PPL: variants seen among roughly 807,000 people sequenced by gnomAD.
PPL encodes the protein periplakin, also known as 190 kDa paraneoplastic pemphigus antigen.
Under a neutral mutation model 194.4 loss-of-function variants are expected in PPL, and 198 were observed. The ratio of observed to expected loss-of-function variants is 1.02; its 90% CI spans 0.91 to 1.15. PPL has a LOEUF of 1.15. PPL is among the 50% of genes most tolerant of loss of function. The probability of loss-of-function intolerance (pLI) is 0.00; values close to 1 mark genes in which losing one functional copy is unlikely to be tolerated. For synonymous variants in PPL, 1,220 were observed against 972.4 expected (o/e 1.25, Z -4.74); for missense variants, 2,885 against 2,294.8 (o/e 1.26, Z -5.25).
intron 1 of PPL, 87 bp downstream of exon 1, chr16:4,936,897 T>C (rs926268567): frequency 6.2e-5 from 83 of 1,333,430 alleles, no homozygotes; most frequent in Non-Finnish European, 8.2e-5. Flanking sequence ...GTACCCCCCA[T>C]TCCTACACTG....
intron 1 of PPL, among the ~76,000 whole-genome samples, chr16:4,920,364 A>AAAGG (rs1341684692): frequency 2.8e-5 from 2 of 72,422 alleles, no homozygotes; most frequent in Non-Finnish European, 9.3e-5. Context: ...AGAAAGAAAG[A>AAAGG]AAGAAAGGAC....
Position 4,885,509 on chromosome 16 carries a change from T to G in PPL, c.3146A>C (p.Gln1049Pro). The G allele has an allele frequency of 6.2e-7, 1 of 1,611,436 alleles. No homozygotes were observed. Among genetic ancestry groups the G allele is most frequent in the South Asian group, 1.1e-5 (1 of 91,076 alleles). ...AALAEEKSRA[Q>P]EKVTEKEVVK... ...CACCTCTTTCTCTGTGACCTTCTCC[T>G]GCGCCCGGCTCTTCTCTTCAGCCAG... Residue 1049 changes from glutamine (Q) to proline (P), a missense_variant, in exon 22 of 22, where the codon CAG (glutamine) becomes CCG (proline). By Grantham distance (76) the Gln-to-Pro change is moderately conservative (BLOSUM62 -1). Transcript: ENST00000345988. The surrounding 1 kb of genome is among the most constrained non-coding windows in gnomAD (Gnocchi z 6.3).
intron 21 of PPL, among the ~76,000 whole-genome samples, chr16:4,886,359 T>C (rs143776447): frequency 6.6e-6 from 1 of 152,204 alleles, no homozygotes; most frequent in Non-Finnish European, 1.5e-5. Flanking sequence ...CACAAGAATA[T>C]CTGTCTGTAG....
intron 7 of PPL, 30 bp from the exon 8 acceptor site, chr16:4,899,150 G>A: frequency 6.2e-7 from 1 of 1,613,390 alleles, no homozygotes; most frequent in Non-Finnish European, 8.5e-7. Context: ...AGGGGCCTCA[G>A]TGCCCAGCCT....
rs961039974 is a variant in PPL, at chr16:4,904,015, C to G, written c.188G>C (p.Arg63Pro). Residue 63 changes from arginine (R) to proline (P), a missense_variant, in exon 3 of 22, where the codon CGG (arginine) becomes CCG (proline). By Grantham distance (103) the Arg-to-Pro change is moderately radical. Coordinates refer to ENST00000345988, the MANE Select transcript of PPL (RefSeq NM_002705.5). ...GGTCACGTCCCGGTGCTCAGGCTGC[C>G]GACCCTCCTGCAGCCGAGCCAGGTC... Reference protein sequence around the residue: ...QSDLARLQEGRQPEHRDVTLQ... With the variant: ...QSDLARLQEGPQPEHRDVTLQ... 5 of 1,612,686 alleles carry G rather than the reference C, an allele frequency of 3.1e-6. No individual in the cohort carries two copies. The highest frequency in any genetic ancestry group is 4.2e-6 in the Non-Finnish European group (5 of 1,179,920).
At chr16:4,893,825 C>T (rs1293961146) in intron 12 of PPL, 187 bp from the exon 13 acceptor site, 1 of 582,504 alleles carries the variant, frequency 1.7e-6, no homozygotes, top group Admixed American at 3.1e-5. Context: ...CTTCTCCCTC[C>T]TTCCCTCCTC....
intron 19 of PPL, 44 bp from the exon 20 acceptor site, chr16:4,888,262 G>T (rs1472294980): frequency 7.2e-7 from 1 of 1,386,378 alleles, no homozygotes; most frequent in South Asian, 1.2e-5. Flanking sequence ...TAAAACAGCT[G>T]AGAAGAGACA....
Position 4,884,706 on chromosome 16 carries a change from C to T in PPL, c.3949G>A (p.Glu1317Lys), listed in dbSNP as rs749366391. The change falls in exon 22 of 22, where the codon GAG becomes AAG. Residue 1317 changes from glutamate (E) to lysine (K), a missense_variant. By Grantham distance (56) the Glu-to-Lys change is moderately conservative. Transcript: ENST00000345988. The surrounding 1 kb of genome is among the most constrained non-coding windows in gnomAD (Gnocchi z 5.7). ...EVASLRAKLS[E>K]EQKKQVDLER... ...AGATCCACTTGTTTCTTCTGCTCCT[C>T]TGAGAGCTTTGCCCTCAGAGACGCC... 2 of 1,614,164 alleles carry T rather than the reference C, an allele frequency of 1.2e-6. No homozygotes were observed. Among genetic ancestry groups the T allele is most frequent in the Non-Finnish European group, 1.7e-6 (2 of 1,180,034 alleles).
At chr16:4,912,893 C>G (rs529124851) in intron 1 of PPL, among the ~76,000 whole-genome samples, 1 of 152,184 alleles carries the variant, frequency 6.6e-6, no homozygotes, top group Non-Finnish European at 1.5e-5. Flanking sequence ...CACCTGAGAT[C>G]AGGAGTTTGA....
At chr16:4,922,747 G>A (rs1418941899) in intron 1 of PPL, among the ~76,000 whole-genome samples, 1 of 151,212 alleles carries the variant, frequency 6.6e-6, no homozygotes, top group East Asian at 2.0e-4. Flanking sequence ...GCACCTGGGA[G>A]ATGAAAGCAG....
chr16:4,890,061 C>G (rs780357086), intron 18 of PPL, 123 bp downstream of exon 18: 302 of 1,412,588 alleles, frequency 2.1e-4, no homozygotes, highest in Non-Finnish European at 2.7e-4. Context: ...AGGGAGGACA[C>G]AGCTGTGGCA....
Position 4,885,585 on chromosome 16 carries a change from T to A in PPL, c.3070A>T (p.Lys1024Ter). 1 of 1,611,930 alleles carries A rather than the reference T, an allele frequency of 6.2e-7. No homozygotes were observed. Among genetic ancestry groups the A allele is most frequent in the Non-Finnish European group, 8.5e-7 (1 of 1,179,922 alleles). The change falls in exon 22 of 22, where the codon AAG becomes TAG. Residue 1024 changes from lysine (K) to a stop codon, truncating the protein, a stop_gained. Transcript: ENST00000345988. LOFTEE classifies it high-confidence loss of function. The surrounding 1 kb of genome is among the most constrained non-coding windows in gnomAD (Gnocchi z 6.3). ...AGCACCTCTGCCTCCCGGGCGCCCT[T>A]CTGCCGCCTCAGTGCCTCCAGCTCC... ...REELEALRRQ[K>*]GAREAEVLLL...
At chr16:4,917,819 T>C (rs2088955023) in intron 1 of PPL, among the ~76,000 whole-genome samples, 1 of 151,908 alleles carries the variant, frequency 6.6e-6, no homozygotes, top group Admixed American at 6.6e-5. Context: ...GGAGGATTAC[T>C]TGAGCCCAGG....
At chr16:4,905,799 C>G (rs1441243124) in intron 2 of PPL, among the ~76,000 whole-genome samples, 2 of 152,132 alleles carry the variant, frequency 1.3e-5, no homozygotes, top group African/African-American at 4.8e-5. Context: ...GGAGATGAGG[C>G]TGATGTCCCG....
intron 14 of PPL, 63 bp from the exon 15 acceptor site, chr16:4,892,276 G>A (rs2088335659): frequency 1.3e-6 from 2 of 1,530,850 alleles, no homozygotes; most frequent in African/African-American, 1.4e-5. Flanking sequence ...CTGAGGATGT[G>A]CCCAGGGTGA....
At chr16:4,899,829 A>C (rs910585263) in intron 6 of PPL, among the ~76,000 whole-genome samples, 2 of 152,192 alleles carry the variant, frequency 1.3e-5, no homozygotes, top group Admixed American at 1.3e-4. Context: ...TTTTATCTGT[A>C]TCATGATCGT....
chr16:4,890,445 C>T, intron 17 of PPL, 111 bp from the exon 18 acceptor site: 2 of 1,322,634 alleles, frequency 1.5e-6, no homozygotes, highest in Non-Finnish European at 2.0e-6. Flanking sequence ...AGAAATACCC[C>T]AAGTATCTCC....
chr16:4,921,826 C>A (rs1314023244), intron 1 of PPL, among the ~76,000 whole-genome samples: 1 of 151,972 alleles, frequency 6.6e-6, no homozygotes, highest in Non-Finnish European at 1.5e-5. Context: ...GTAAGCCCAG[C>A]TGCAAAGTGG....
chr16:4,889,064 G>C lies in PPL; in HGVS notation c.2314-3C>G. On this transcript the variant is annotated splice_polypyrimidine_tract_variant and splice_region_variant and intron_variant, in intron 18 of 21. Transcript: ENST00000345988. ...CTTGCTATCTCATCTAGCAGGTTCT[G>C]TAAGACAGAGTTTAAAAATCAAAAC... 1 of 1,612,972 alleles carries C rather than the reference G, an allele frequency of 6.2e-7. No homozygotes were observed. The highest frequency in any genetic ancestry group is 8.5e-7 in the Non-Finnish European group (1 of 1,179,412).
Sources: gnomAD v4.1 joint callset for allele counts (sites outside exome capture counted in the v4.1 genomes callset) on GRCh38, gnomAD v4.1.1 for gene constraint, Gnocchi (gnomAD v3.1) non-coding constraint, MANE v1.5 for transcripts, NCBI Gene and HGNC (gene_info 2026-07-23, HGNC 2026-07-21) for gene names.